The following GSG1L variants were observed in gnomAD, a reference collection of about 807,000 sequenced individuals.
GSG1L encodes the protein GSG1 like.
Under a neutral mutation model 42.1 loss-of-function variants are expected in GSG1L, and 24 were observed. That is an observed-to-expected ratio of 0.57 (90% CI 0.41 to 0.80). The LOEUF (loss-of-function observed/expected upper bound fraction) is 0.80, where lower values mean the gene tolerates loss of function less well. Ranked by LOEUF, GSG1L falls within the 30% of genes least tolerant of loss-of-function variation. GSG1L has a pLI of 0.00. For missense variants in GSG1L, 445 were observed against 472.2 expected, an observed-to-expected ratio of 0.94 and a Z score of 0.53; for synonymous variants, 215 against 203.5, an observed-to-expected ratio of 1.06 and a Z score of -0.48.
chr16:28,007,126 A>T (rs1395997660), intron 1 of GSG1L, among the ~76,000 whole-genome samples: 2 of 152,174 alleles, frequency 1.3e-5, no homozygotes, highest in Non-Finnish European at 2.9e-5. Flanking sequence ...GGAATCTGTG[A>T]TATCTTACTT....
intron 5 of GSG1L, among the ~76,000 whole-genome samples, chr16:27,825,194 C>T (rs2083196089): frequency 1.3e-5 from 2 of 152,154 alleles, no homozygotes; most frequent in South Asian, 4.1e-4. Context: ...CCTCCAAAGA[C>T]AAGAGTCTAG....
intron 4 of GSG1L, among the ~76,000 whole-genome samples, chr16:27,837,483 C>G (rs1461120679): frequency 1.3e-5 from 2 of 152,214 alleles, no homozygotes; most frequent in African/African-American, 2.4e-5. Context: ...CTGCTGATAC[C>G]TGGCTGGGAG....
chr16:27,888,879 A>T (rs1421767893), intron 2 of GSG1L, among the ~76,000 whole-genome samples: 1 of 151,272 alleles, frequency 6.6e-6, no homozygotes, highest in Non-Finnish European at 1.5e-5. Context: ...TGGCCTTCCA[A>T]AGTGCAGGGA....
intron 2 of GSG1L, among the ~76,000 whole-genome samples, chr16:27,934,932 A>G (rs2084697519): frequency 6.6e-6 from 1 of 152,186 alleles, no homozygotes; most frequent in Admixed American, 6.5e-5. Flanking sequence ...CCATGTGGGG[A>G]TTTGGCATTG....
At chr16:27,890,355 G>A (rs2084111247) in intron 2 of GSG1L, among the ~76,000 whole-genome samples, 1 of 152,202 alleles carries the variant, frequency 6.6e-6, no homozygotes, top group Admixed American at 6.5e-5. Context: ...TGGGGAAGCT[G>A]GACTTGACCT....
At chr16:27,940,858 A>T (rs2084784597) in intron 2 of GSG1L, among the ~76,000 whole-genome samples, 1 of 135,300 alleles carries the variant, frequency 7.4e-6, no homozygotes, top group Non-Finnish European at 1.6e-5. Flanking sequence ...TATAATAATA[A>T]TAAAATAAAA....
chr16:27,857,938 G>A lies in GSG1L; in HGVS notation c.551-12877C>T, dbSNP rs191602730. On this transcript the variant is annotated intron_variant, in intron 3 of 6. Transcript: ENST00000447459. ...AGACACCTGTGACGGGTCTACACCT[G>A]CAGTGTCAGGCCCCAGCTCACCCCC... 3.2e-3 allele frequency among the ~76,000 whole-genome samples: 484 copies of A among 152,202 alleles called. 1 individual carries two copies. Among genetic ancestry groups the A allele is most frequent in the African/African-American group, 0.011 (450 of 41,516 alleles).
rs181743599 is a variant in GSG1L, at chr16:27,787,673, C to T, written c.*3697G>A. 8 of 152,336 alleles carry T rather than the reference C, an allele frequency of 5.3e-5. No homozygotes were observed. The highest frequency in any genetic ancestry group is 9.6e-5 in the African/African-American group (4 of 41,570). The allele number at this position is 152,336 out of a possible 1,614,324, so 9.4% of individuals were successfully genotyped here. On this transcript the variant is annotated 3_prime_UTR_variant, in exon 7 of 7. Transcript: ENST00000447459. ...GCCCACTGTACATTTTTTTCTAATA[C>T]ACATTTACATAAACACAACTATTAA...
At chr16:27,876,815 C>T (rs547856214) in intron 3 of GSG1L, among the ~76,000 whole-genome samples, 2 of 152,274 alleles carry the variant, frequency 1.3e-5, no homozygotes, top group Admixed American at 6.5e-5. Context: ...ACCTGAAATT[C>T]AGATTTCAAA....
At chr16:28,017,382 T>C (rs1268237362) in intron 1 of GSG1L, among the ~76,000 whole-genome samples, 1 of 152,204 alleles carries the variant, frequency 6.6e-6, no homozygotes, top group African/African-American at 2.4e-5. Flanking sequence ...TGAGGATAAG[T>C]AGGTGCAACC....
In GSG1L at chr16:27,816,457, A is replaced by G. The variant is rs1311877489; in HGVS notation, c.831-8903T>C. ...ATGCTGTGGTGCCTAGAAAGATGGA[A>G]GAGCCCCAGGGAAAGTGACAGTGAC... On this transcript the variant is annotated intron_variant, in intron 5 of 6. Transcript: ENST00000447459. Among the ~76,000 whole-genome samples the G allele has an allele frequency of 2.0e-5, 3 of 152,210 alleles. No homozygotes were observed. In the South Asian group the frequency reaches 6.2e-4, roughly 32 times the overall value.
At chr16:27,979,671 G>A (rs1240804769) in intron 1 of GSG1L, among the ~76,000 whole-genome samples, 24 of 85,024 alleles carry the variant, frequency 2.8e-4, no homozygotes, top group Non-Finnish European at 4.0e-4. Context: ...AAGAGAGAGA[G>A]AGAGAGAGAA....
intron 1 of GSG1L, among the ~76,000 whole-genome samples, chr16:28,030,035 G>A (rs1033409710): frequency 6.6e-6 from 1 of 152,232 alleles, no homozygotes; most frequent in African/African-American, 2.4e-5. Context: ...TTTTCCAGGA[G>A]GGCCAGAGAA....
intron 2 of GSG1L, among the ~76,000 whole-genome samples, chr16:27,949,208 C>T (rs1299543562): frequency 1.3e-5 from 2 of 150,622 alleles, no homozygotes; most frequent in Non-Finnish European, 3.0e-5. Context: ...GAGCCACCGC[C>T]ACTACTCTAT....
intron 2 of GSG1L, among the ~76,000 whole-genome samples, chr16:27,955,895 A>AGGAAGGAAGGAAGGAAGGAAGGAAGGAG (rs2084996623): frequency 7.2e-6 from 1 of 138,084 alleles, no homozygotes; most frequent in Non-Finnish European, 1.6e-5. Context: ...GAAGGAAGGA[A>AGGAAGGAAGGAAGGAAGGAAGGAAGGAG]GGAAGGAAGG....
At chr16:27,812,423 T>C (rs2083041961) in intron 5 of GSG1L, among the ~76,000 whole-genome samples, 1 of 152,238 alleles carries the variant, frequency 6.6e-6, no homozygotes. Context: ...GCAAGCCATA[T>C]GTTCTCTCTC....
intron 2 of GSG1L, among the ~76,000 whole-genome samples, chr16:27,932,636 G>A (rs569958540): frequency 2.8e-4 from 42 of 152,180 alleles, no homozygotes; most frequent in African/African-American, 9.6e-4. Flanking sequence ...TCTGCAGCAG[G>A]CCCCACCTTC....
At chr16:28,023,047 T>C (rs908789075) in intron 1 of GSG1L, among the ~76,000 whole-genome samples, 1 of 152,140 alleles carries the variant, frequency 6.6e-6, no homozygotes, top group African/African-American at 2.4e-5. Context: ...TAGGCTGATC[T>C]CAAACTCCTG....
chr16:28,022,573 C>T (rs1310535893), intron 1 of GSG1L, among the ~76,000 whole-genome samples: 1 of 152,090 alleles, frequency 6.6e-6, no homozygotes, highest in African/African-American at 2.4e-5. Context: ...CTTCTGGGTT[C>T]AAGCAATTCT....
Sources: gnomAD v4.1 joint callset for allele counts (sites outside exome capture counted in the v4.1 genomes callset) on GRCh38, gnomAD v4.1.1 for gene constraint, MANE v1.5 for transcripts, NCBI Gene and HGNC (gene_info 2026-07-23, HGNC 2026-07-21) for gene names.